The following REDIC1 variants were observed in gnomAD, a reference collection of about 807,000 sequenced individuals.
REDIC1 encodes regulator of DNA class I crossover intermediates 1, also known as HEI10 Interacting Protein 1.
At chr12:39,810,198 ATCT>A in the REDIC1 span, among the ~76,000 whole-genome samples, 6 of 152,136 alleles carry the variant, frequency 3.9e-5, no homozygotes, top group Admixed American at 3.3e-4. Context: ...ACTTAGTTAG[ATCT>A]TCTTTAATTT....
chr12:39,683,114 A>G, the REDIC1 span: 3 of 1,607,606 alleles, frequency 1.9e-6, no homozygotes, highest in South Asian at 1.1e-5. Context: ...GAGAACGATT[A>G]CTACCCAAGC....
chr12:39,749,182 TAAA>T, the REDIC1 span, among the ~76,000 whole-genome samples: 3 of 151,444 alleles, frequency 2.0e-5, no homozygotes, highest in African/African-American at 4.9e-5. Context: ...GCAAGACTAA[TAAA>T]GAAGAAAAGA....
At chr12:39,806,701 A>G in the REDIC1 span, among the ~76,000 whole-genome samples, 1 of 152,216 alleles carries the variant, frequency 6.6e-6, no homozygotes, top group African/African-American at 2.4e-5. Context: ...ATATCTTATT[A>G]TTTGAGAATT....
At chr12:39,856,135 A>G in the REDIC1 span, among the ~76,000 whole-genome samples, 16 of 152,302 alleles carry the variant, frequency 1.1e-4, no homozygotes, top group African/African-American at 3.8e-4. Context: ...ATTTTGCCAC[A>G]TATACCTAAG....
At chr12:39,717,121 A>G in the REDIC1 span, among the ~76,000 whole-genome samples, 5 of 135,086 alleles carry the variant, frequency 3.7e-5, no homozygotes, top group East Asian at 2.0e-4. Flanking sequence ...CCTTATATAC[A>G]TACATATATA....
the REDIC1 span, among the ~76,000 whole-genome samples, chr12:39,848,981 T>C: frequency 1.3e-5 from 2 of 151,946 alleles, no homozygotes; most frequent in Non-Finnish European, 1.5e-5. Flanking sequence ...TAAGAACTTA[T>C]GAACACAAAG....
chr12:39,743,816 A>G, the REDIC1 span, among the ~76,000 whole-genome samples: 1 of 152,216 alleles, frequency 6.6e-6, no homozygotes, highest in Non-Finnish European at 1.5e-5. Context: ...TAAAAAATAA[A>G]AAGGAACATA....
the REDIC1 span, among the ~76,000 whole-genome samples, chr12:39,855,202 A>G: frequency 3.9e-5 from 6 of 152,226 alleles, no homozygotes; most frequent in Non-Finnish European, 8.8e-5. Flanking sequence ...AAAGAAGTAC[A>G]TACATTACTA....
At chr12:39,631,204 A>G in the REDIC1 span, among the ~76,000 whole-genome samples, 1 of 152,144 alleles carries the variant, frequency 6.6e-6, no homozygotes, top group Non-Finnish European at 1.5e-5. Context: ...GAACATTTTT[A>G]TAAGCAGGTA....
chr12:39,704,688 A>G, the REDIC1 span, among the ~76,000 whole-genome samples: 6 of 152,216 alleles, frequency 3.9e-5, no homozygotes, highest in African/African-American at 1.4e-4. Flanking sequence ...TCCAACAATG[A>G]TAGACTAGAT....
At chr12:39,867,737 T>G in the REDIC1 span, among the ~76,000 whole-genome samples, 1 of 152,174 alleles carries the variant, frequency 6.6e-6, no homozygotes. Flanking sequence ...TTATACTCTT[T>G]TGTTATTATA....
chr12:39,840,441 T>A, the REDIC1 span, among the ~76,000 whole-genome samples: 1 of 152,132 alleles, frequency 6.6e-6, no homozygotes, highest in Non-Finnish European at 1.5e-5. Context: ...AAAATCATAC[T>A]CCTTTTATGG....
the REDIC1 span, chr12:39,692,055 A>T: frequency 6.3e-7 from 1 of 1,576,082 alleles, no homozygotes; most frequent in Non-Finnish European, 8.6e-7. Flanking sequence ...CTAGATTCTG[A>T]TGGAAGAAGG....
the REDIC1 span, among the ~76,000 whole-genome samples, chr12:39,631,105 G>A: frequency 3.7e-3 from 570 of 152,278 alleles, 5 homozygotes; most frequent in Non-Finnish European, 4.3e-3. Flanking sequence ...GGCCAGGCTG[G>A]TCTCAAACTC....
At chr12:39,683,372 CTA>C in the REDIC1 span, 2 of 1,394,350 alleles carry the variant, frequency 1.4e-6, no homozygotes, top group Non-Finnish European at 2.0e-6. Context: ...TGAAAATAGA[CTA>C]TGCTAAATTT....
the REDIC1 span, among the ~76,000 whole-genome samples, chr12:39,807,398 G>C: frequency 2.0e-5 from 3 of 152,152 alleles, no homozygotes; most frequent in Non-Finnish European, 4.4e-5. Context: ...TCAATCTCCT[G>C]GGTGAAACTA....
At chr12:39,837,490 G>T in the REDIC1 span, among the ~76,000 whole-genome samples, 2 of 139,036 alleles carry the variant, frequency 1.4e-5, no homozygotes, top group East Asian at 2.1e-4. Flanking sequence ...ATTGACAAAT[G>T]GGATCTAATT....
chr12:39,732,773 C>T, the REDIC1 span, among the ~76,000 whole-genome samples: 60 of 152,128 alleles, frequency 3.9e-4, no homozygotes, highest in African/African-American at 1.4e-3. Context: ...TAATGTTTAT[C>T]CTTATTGAAA....
chr12:39,703,200 A>C, the REDIC1 span, among the ~76,000 whole-genome samples: 1 of 152,140 alleles, frequency 6.6e-6, no homozygotes, highest in Non-Finnish European at 1.5e-5. Flanking sequence ...GTCTCAGCCC[A>C]AAATCTCCTT....
Sources: gnomAD v4.1 joint callset for allele counts (sites outside exome capture counted in the v4.1 genomes callset) on GRCh38, gnomAD v4.1.1 for gene constraint, MANE v1.5 for transcripts, NCBI Gene and HGNC (gene_info 2026-07-23, HGNC 2026-07-21) for gene names.